CCDC180: variants seen among roughly 807,000 people sequenced by gnomAD.
The protein encoded by CCDC180 is coiled-coil domain-containing protein 180.
CCDC180 carries 154 observed loss-of-function variants against 209.2 expected under a neutral mutation model. That is an observed-to-expected ratio of 0.74 (90% confidence interval 0.65 to 0.84). The LOEUF is 0.84. Among genes scored for constraint, CCDC180 ranks in the 40% least tolerant of loss-of-function variants. CCDC180 has a pLI of 0.00. For synonymous variants in CCDC180, 778 were observed against 749.1 expected (o/e 1.04, Z -0.63); for missense variants, 1,874 against 1,997.3 (o/e 0.94, Z 1.18).
intron 25 of CCDC180, 127 bp downstream of exon 25, chr9:97,357,852 C>T: frequency 1.5e-6 from 1 of 681,542 alleles, no homozygotes; most frequent in South Asian, 2.0e-5. Flanking sequence ...GGGGGGACAT[C>T]TCTGAGCCTT....
At chr9:97,363,113 C>T (rs1269950275) in intron 28 of CCDC180, among the ~76,000 whole-genome samples, 3 of 152,184 alleles carry the variant, frequency 2.0e-5, no homozygotes, top group African/African-American at 2.4e-5. Context: ...TCCAGCTGTG[C>T]GCTGGTTGGG....
Position 97,363,945 on chromosome 9 carries a change from G to A in CCDC180, c.3903-106G>A, listed in dbSNP as rs944237269. On this transcript the variant is annotated intron_variant, in intron 28 of 36. Transcript: ENST00000529487. ...TAGAAATGGAAGTCCGGTTGCCCACGGGCAGGCCCAATGCCTCCAGAAACC... is the reference window on the plus strand; with the variant it reads ...TAGAAATGGAAGTCCGGTTGCCCACAGGCAGGCCCAATGCCTCCAGAAACC... The A allele has an allele frequency of 1.0e-5, 11 of 1,062,936 alleles. No homozygotes were observed. In the African/African-American group the frequency reaches 1.4e-4, roughly 14 times the overall value. The allele number at this position is 1,062,936 out of a possible 1,614,324, so 65.8% of individuals were successfully genotyped here.
Position 97,367,052 on chromosome 9 carries a change from T to C in CCDC180, c.4189+352T>C, listed in dbSNP as rs138422038. Among the ~76,000 whole-genome samples the C allele has an allele frequency of 8.4e-3, 1,283 of 152,328 alleles. 17 individuals carry two copies. Among genetic ancestry groups the C allele is most frequent in the African/African-American group, 0.029 (1,198 of 41,570 alleles). Reference sequence around the variant, plus strand: ...GGTTTTTAGTTTATTTACAGAGTTATGCAATCACCGCTACCGTCAATTTTA... The same window carrying C: ...GGTTTTTAGTTTATTTACAGAGTTACGCAATCACCGCTACCGTCAATTTTA... On this transcript the variant is annotated intron_variant, in intron 31 of 36. Transcript: ENST00000529487.
chr9:97,360,555 G>C (rs1826721209), intron 26 of CCDC180, among the ~76,000 whole-genome samples: 1 of 152,134 alleles, frequency 6.6e-6, no homozygotes, highest in African/African-American at 2.4e-5. Flanking sequence ...ATGGCCAGAA[G>C]AGGCTGGTCA....
chr9:97,326,834 A>G (rs1238942084), intron 15 of CCDC180, among the ~76,000 whole-genome samples, 165 bp downstream of exon 15: 1 of 152,198 alleles, frequency 6.6e-6, no homozygotes, highest in African/African-American at 2.4e-5. Flanking sequence ...CTCAGCCAAC[A>G]AAGAAGCTTC....
At chr9:97,370,289 T>C (rs1310012601) in intron 32 of CCDC180, among the ~76,000 whole-genome samples, 1 of 152,118 alleles carries the variant, frequency 6.6e-6, no homozygotes, top group Non-Finnish European at 1.5e-5. Flanking sequence ...GTAAACTCCT[T>C]GTTGGCTATA....
At chr9:97,363,096 C>G (rs978851445) in intron 28 of CCDC180, among the ~76,000 whole-genome samples, 2 of 152,210 alleles carry the variant, frequency 1.3e-5, no homozygotes, top group East Asian at 3.8e-4. Context: ...GAAGCATTGC[C>G]CTCCTCTCCA....
At chr9:97,375,677 C>T in intron 36 of CCDC180, 88 bp downstream of exon 36, 1 of 1,542,156 alleles carries the variant, frequency 6.5e-7, no homozygotes, top group Non-Finnish European at 8.9e-7. Context: ...ACCCGGCACC[C>T]AACATTTGGC....
Position 97,349,137 on chromosome 9 carries a change from T to A in CCDC180, c.2701T>A (p.Leu901Met). 1 of 1,536,052 alleles carries A rather than the reference T, an allele frequency of 6.5e-7. No homozygotes were observed. Among genetic ancestry groups the A allele is most frequent in the East Asian group, 2.4e-5 (1 of 40,912 alleles). The change falls in exon 21 of 37, where the codon TTG becomes ATG. Residue 901 changes from leucine to methionine, a missense_variant. Leu to Met is a conservative substitution (Grantham distance 15). Coordinates refer to ENST00000529487, the MANE Select transcript of CCDC180 (RefSeq NM_020893.6). ...CGAGCTTTTGCTTCATCAAGAGCAG[T>A]TGGACAGCCACTGTGCTGGGGTGAC... ...AAELLLHQEQ[L>M]DSHCAGVTET...
chr9:97,351,090 C>T (rs1826409181), intron 22 of CCDC180, among the ~76,000 whole-genome samples: 1 of 152,156 alleles, frequency 6.6e-6, no homozygotes, highest in African/African-American at 2.4e-5. Flanking sequence ...CATCTTTTGG[C>T]TATTGTGAAT....
At chr9:97,350,306 C>A in intron 21 of CCDC180, 103 bp from the exon 22 acceptor site, 2 of 1,154,992 alleles carry the variant, frequency 1.7e-6, no homozygotes, top group Non-Finnish European at 2.4e-6. Flanking sequence ...TCGTGACCGG[C>A]CCCTCCCTTG....
At chr9:97,363,176 CG>C (rs1486123678) in intron 28 of CCDC180, among the ~76,000 whole-genome samples, 3 of 152,150 alleles carry the variant, frequency 2.0e-5, no homozygotes, top group Non-Finnish European at 4.4e-5. Flanking sequence ...GGGCATCCCA[CG>C]TGATTGGTTA....
chr9:97,332,468 C>G (rs1184918939), intron 18 of CCDC180, among the ~76,000 whole-genome samples: 1 of 152,116 alleles, frequency 6.6e-6, no homozygotes, highest in East Asian at 1.9e-4. Flanking sequence ...GCAGTATGGC[C>G]ATTTTAAAGA....
At chr9:97,315,245 A>C (rs918601634) in intron 8 of CCDC180, among the ~76,000 whole-genome samples, 3 of 152,124 alleles carry the variant, frequency 2.0e-5, no homozygotes, top group African/African-American at 7.2e-5. Context: ...GTTAATGAGC[A>C]CCTACTAGGT....
Position 97,318,579 on chromosome 9 carries a change from T to G in CCDC180, c.1076T>G (p.Ile359Ser). The part of the protein sequence containing the change: ...QQRRLKHLCT[I>S]CDLLPPSYSK... Reference sequence around the variant, plus strand: ...AGGCGGCTGAAGCATCTCTGCACCATCTGGTATGGGCAGGAGGGGCGGCCC... The same window carrying G: ...AGGCGGCTGAAGCATCTCTGCACCAGCTGGTATGGGCAGGAGGGGCGGCCC... Residue 359 changes from isoleucine to serine, a missense_variant, in exon 10 of 37, where the codon ATC (isoleucine) becomes AGC (serine). Transcript: ENST00000529487. The G allele has an allele frequency of 6.2e-7, 1 of 1,612,438 alleles. No homozygotes were observed. The highest frequency in any genetic ancestry group is 1.1e-5 in the South Asian group (1 of 91,072).
intron 34 of CCDC180, 70 bp from the exon 35 acceptor site, chr9:97,374,473 T>C: frequency 8.2e-7 from 1 of 1,217,084 alleles, no homozygotes; most frequent in Non-Finnish European, 1.2e-6. Flanking sequence ...CTAAGTGTAA[T>C]GCCAGGGGAA....
intron 18 of CCDC180, among the ~76,000 whole-genome samples, chr9:97,341,125 G>C (rs896023187): frequency 6.6e-6 from 1 of 152,142 alleles, no homozygotes; most frequent in Admixed American, 6.5e-5. Context: ...CAGTGGACAT[G>C]TGACCCACGT....
Position 97,340,913 on chromosome 9 carries a change from T to C in CCDC180, c.2275-2427T>C, listed in dbSNP as rs542061477. Among the ~76,000 whole-genome samples the C allele has an allele frequency of 1.4e-4, 21 of 152,334 alleles. No homozygotes were observed. The South Asian group carries it at 4.4e-3, about 32-fold the overall frequency. On this transcript the variant is annotated intron_variant, in intron 18 of 36. Coordinates refer to ENST00000529487, the MANE Select transcript of CCDC180 (RefSeq NM_020893.6). ...ATCCGGAGGCCTAACCGTCTCCCTG[T>C]GATGCTGTGCTTCAGTGGTCACGCT... is the stretch of plus-strand genomic sequence containing the variant.
Position 97,375,514 on chromosome 9 carries a change from A to G in CCDC180, c.4767A>G (p.Pro1589=). Residue 1589 remains proline (P), a synonymous_variant, in exon 36 of 37, where the codon CCA becomes CCG. Coordinates refer to ENST00000529487, the MANE Select transcript of CCDC180 (RefSeq NM_020893.6). ...VTIQNKILLQ[P]TSSISTTKTT... ...TCCAAAACAAGATTCTTCTCCAGCC[A>G]ACATCATCGATTTCCACCACCAAAA... is the stretch of plus-strand genomic sequence containing the variant. The G allele has an allele frequency of 6.2e-7, 1 of 1,614,238 alleles. No homozygotes were observed. The highest frequency in any genetic ancestry group is 8.5e-7 in the Non-Finnish European group (1 of 1,180,040).
Sources: gnomAD v4.1 joint callset for allele counts (sites outside exome capture counted in the v4.1 genomes callset) on GRCh38, gnomAD v4.1.1 for gene constraint, MANE v1.5 for transcripts, NCBI Gene and HGNC (gene_info 2026-07-23, HGNC 2026-07-21) for gene names.